HS3ST4: variants seen among roughly 807,000 people sequenced by gnomAD.
HS3ST4 encodes heparan sulfate glucosamine 3-O-sulfotransferase 4.
In HS3ST4, 17 loss-of-function variants were observed where a neutral mutation model predicts 29.2. That is an observed-to-expected ratio of 0.58 (90% CI 0.40 to 0.87). The LOEUF (loss-of-function observed/expected upper bound fraction) is 0.87, where lower values mean the gene tolerates loss of function less well. HS3ST4 is among the 40% of genes least tolerant of loss of function. The pLI is 0.00. For missense variants in HS3ST4, 627 were observed against 634.5 expected, an observed-to-expected ratio of 0.99 and a Z score of 0.13; for synonymous variants, 314 against 285.7, an observed-to-expected ratio of 1.10 and a Z score of -1.00.
chr16:25,990,268 A>G (rs997959864), intron 1 of HS3ST4, among the ~76,000 whole-genome samples: 1 of 152,188 alleles, frequency 6.6e-6, no homozygotes, highest in African/African-American at 2.4e-5. Flanking sequence ...CTTTGGGTAT[A>G]TATCAAACAG....
chr16:25,943,328 G>A (rs1968592678), intron 1 of HS3ST4, among the ~76,000 whole-genome samples: 1 of 152,170 alleles, frequency 6.6e-6, no homozygotes, highest in Non-Finnish European at 1.5e-5. Context: ...ATACTCTGGA[G>A]CAACATGAGG....
Position 26,115,263 on chromosome 16 carries a change from A to G in HS3ST4, c.735-20349A>G, listed in dbSNP as rs576060533. ...TGTGTGTGTATATATATATACATAT[A>G]TATACACACACACACACACACACAA... On this transcript the variant is annotated intron_variant, in intron 1 of 1. Coordinates refer to ENST00000331351, the MANE Select transcript of HS3ST4 (RefSeq NM_006040.3). 4.7e-5 allele frequency among the ~76,000 whole-genome samples: 7 copies of G among 149,574 alleles called. No homozygotes were observed. The South Asian group carries it at 1.3e-3, about 27-fold the overall frequency.
chr16:25,963,800 A>G (rs1388551971), intron 1 of HS3ST4, among the ~76,000 whole-genome samples: 1 of 152,196 alleles, frequency 6.6e-6, no homozygotes, highest in African/African-American at 2.4e-5. Flanking sequence ...GCTGGCCAGG[A>G]GATGTGGTGT....
At chr16:25,931,247 G>A (rs898885014) in intron 1 of HS3ST4, among the ~76,000 whole-genome samples, 1 of 152,218 alleles carries the variant, frequency 6.6e-6, no homozygotes, top group South Asian at 2.1e-4. Context: ...GGGAAGACTT[G>A]AAGGAAGAAC....
At chr16:25,838,009 C>A (rs1223359504) in intron 1 of HS3ST4, among the ~76,000 whole-genome samples, 2 of 152,140 alleles carry the variant, frequency 1.3e-5, no homozygotes, top group East Asian at 3.9e-4. Context: ...AGTGAATAAC[C>A]ACTTTAATTG....
intron 1 of HS3ST4, among the ~76,000 whole-genome samples, chr16:25,731,996 A>G (rs967079812): frequency 6.6e-6 from 1 of 152,226 alleles, no homozygotes; most frequent in African/African-American, 2.4e-5. Flanking sequence ...CAGTTTAATC[A>G]CATTGCTGTA....
chr16:25,879,229 T>TGCTC (rs1967867677), intron 1 of HS3ST4, among the ~76,000 whole-genome samples: 4 of 152,188 alleles, frequency 2.6e-5, no homozygotes, highest in Non-Finnish European at 5.9e-5. Flanking sequence ...TAGCTATAAT[T>TGCTC]GCTCACCTTT....
intron 1 of HS3ST4, among the ~76,000 whole-genome samples, chr16:25,766,915 G>T (rs11074715): frequency 6.6e-6 from 1 of 151,900 alleles, no homozygotes; most frequent in African/African-American, 2.4e-5. Flanking sequence ...CCAGATACAC[G>T]CACCTAGTCT....
chr16:25,719,827 C>G (rs1966481076), intron 1 of HS3ST4, among the ~76,000 whole-genome samples: 1 of 152,164 alleles, frequency 6.6e-6, no homozygotes, highest in Non-Finnish European at 1.5e-5. Flanking sequence ...ATCATATTAT[C>G]CATTTATTTT....
rs60896167 is a variant in HS3ST4 at position 26,104,286 on chromosome 16, T to C, written c.735-31326T>C. Among the ~76,000 whole-genome samples the C allele has an allele frequency of 6.9e-3, 1,058 of 152,316 alleles. 16 individuals are homozygous for C. The highest frequency in any genetic ancestry group is 0.025 in the African/African-American group (1,020 of 41,574). On this transcript the variant is annotated intron_variant, in intron 1 of 1. Transcript: ENST00000331351. ...GGGAATCCAGCCCCCACTCCGTCAA[T>C]TTATTCCAGTTTCTACTGCAGTTCT... is the stretch of plus-strand genomic sequence containing the variant.
At chr16:25,803,878 G>A (rs1040148126) in intron 1 of HS3ST4, among the ~76,000 whole-genome samples, 1 of 152,126 alleles carries the variant, frequency 6.6e-6, no homozygotes, top group Non-Finnish European at 1.5e-5. Flanking sequence ...GTGTCTAGAA[G>A]TGCTTTATTT....
At chr16:26,125,063 C>T (rs1009111368) in intron 1 of HS3ST4, among the ~76,000 whole-genome samples, 8 of 152,204 alleles carry the variant, frequency 5.3e-5, no homozygotes, top group African/African-American at 1.4e-4. Flanking sequence ...AAAAGCATCA[C>T]GAACATCATT....
At chr16:25,934,888 C>T in intron 1 of HS3ST4, among the ~76,000 whole-genome samples, 1 of 152,282 alleles carries the variant, frequency 6.6e-6, no homozygotes, top group East Asian at 1.9e-4. Context: ...CGCATAGCCT[C>T]CTTCATATGG....
chr16:25,749,147 C>T (rs2141601042), intron 1 of HS3ST4, among the ~76,000 whole-genome samples: 1 of 152,250 alleles, frequency 6.6e-6, no homozygotes, highest in East Asian at 1.9e-4. Context: ...ATACGCCAGG[C>T]ATTCTTATAG....
chr16:25,793,080 C>A (rs1966873353), intron 1 of HS3ST4, among the ~76,000 whole-genome samples: 1 of 151,502 alleles, frequency 6.6e-6, no homozygotes, highest in South Asian at 2.1e-4. Context: ...TAGTTTTTTT[C>A]TAGTTTTCCT....
intron 1 of HS3ST4, among the ~76,000 whole-genome samples, chr16:25,904,691 A>G (rs1159966645): frequency 6.6e-6 from 1 of 152,186 alleles, no homozygotes; most frequent in Admixed American, 6.5e-5. Flanking sequence ...TTGAGATTTT[A>G]ATAATACCTA....
intron 1 of HS3ST4, among the ~76,000 whole-genome samples, chr16:25,696,703 A>C (rs1256535735): frequency 6.6e-6 from 1 of 152,186 alleles, no homozygotes; most frequent in Non-Finnish European, 1.5e-5. Flanking sequence ...GGCTAGGGGA[A>C]AGTAACTCAG....
chr16:25,838,046 C>T lies in HS3ST4; in HGVS notation c.734+144895C>T, dbSNP rs144545795. Among the ~76,000 whole-genome samples, 1,369 of 152,310 alleles carry T rather than the reference C, an allele frequency of 9.0e-3. 7 individuals carry two copies. Among genetic ancestry groups the T allele is most frequent in the Non-Finnish European group, 0.013 (908 of 68,024 alleles). ...AAGGAGGCAGCCCAGCATGAAGGTG[C>T]AGAGAACGGACCCTGGAACCAGATT... is the stretch of plus-strand genomic sequence containing the variant. On this transcript the variant is annotated intron_variant, in intron 1 of 1. Coordinates refer to ENST00000331351, the MANE Select transcript of HS3ST4 (RefSeq NM_006040.3).
intron 1 of HS3ST4, among the ~76,000 whole-genome samples, chr16:25,800,806 T>G (rs909943760): frequency 4.6e-5 from 7 of 151,992 alleles, no homozygotes; most frequent in Admixed American, 3.9e-4. Flanking sequence ...ATAGGAGGGG[T>G]GCAAAGTTGC....
Sources: gnomAD v4.1 joint callset for allele counts (sites outside exome capture counted in the v4.1 genomes callset) on GRCh38, gnomAD v4.1.1 for gene constraint, MANE v1.5 for transcripts, NCBI Gene and HGNC (gene_info 2026-07-23, HGNC 2026-07-21) for gene names.